SHISA9: variants seen among roughly 807,000 people sequenced by gnomAD.
SHISA9 encodes protein shisa-9.
In SHISA9, 13 loss-of-function variants were observed where a neutral mutation model predicts 38.0. The observed-to-expected ratio is 0.34, with a 90% CI of 0.22 to 0.54. SHISA9 has a LOEUF of 0.54. Among genes scored for constraint, SHISA9 ranks in the 20% least tolerant of loss-of-function variants. SHISA9 has a pLI of 0.91. For synonymous variants in SHISA9, 275 were observed against 242.0 expected (o/e 1.14, Z -1.27); for missense variants, 538 against 575.8 (o/e 0.93, Z 0.67).
At position 13,019,884 on chromosome 16, in the gene SHISA9, CTTCTTTCTTTCTTTCTTTCTTTCT is replaced by C. The variant is rs1166778591; in HGVS notation, c.691+103121_691+103144del. ...CCTCCCTCCCTCCCTCCCTCCCTCC[CTTCTTTCTTTCTTTCTTTCTTTCT>C]TTCTTTCTTTCTTTCTTTCTTTCTT... On this transcript the variant is annotated intron_variant, in intron 2 of 4. Coordinates refer to ENST00000558583, the MANE Select transcript of SHISA9 (RefSeq NM_001145204.3). Among the ~76,000 whole-genome samples, 56 of 20,870 alleles carry C rather than the reference CTTCTTTCTTTCTTTCTTTCTTTCT, an allele frequency of 2.7e-3. 1 individual carries two copies. Among genetic ancestry groups the C allele is most frequent in the Non-Finnish European group, 4.1e-3 (44 of 10,630 alleles). The allele number at this position is 20,870 out of a possible 152,430, so 13.7% of individuals were successfully genotyped here.
the SHISA9 span, among the ~76,000 whole-genome samples, chr16:13,468,418 A>AT: frequency 6.6e-6 from 1 of 152,306 alleles, no homozygotes; most frequent in South Asian, 2.1e-4. Context: ...ATATGTTTAT[A>AT]TCCAATAACC....
chr16:13,220,604 G>C (rs1353095446), intron 4 of SHISA9, among the ~76,000 whole-genome samples: 1 of 152,146 alleles, frequency 6.6e-6, no homozygotes, highest in African/African-American at 2.4e-5. Flanking sequence ...AAAACCACCA[G>C]TTGTATGAAA....
the SHISA9 span, among the ~76,000 whole-genome samples, chr16:13,362,662 C>T: frequency 2.6e-5 from 4 of 152,142 alleles, no homozygotes; most frequent in African/African-American, 9.7e-5. Flanking sequence ...AGCACTTCAT[C>T]CCATCTTGTC....
chr16:13,291,313 A>G, the SHISA9 span, among the ~76,000 whole-genome samples: 1 of 152,296 alleles, frequency 6.6e-6, no homozygotes, highest in East Asian at 1.9e-4. Flanking sequence ...AGGTGAAGGG[A>G]AACAAACCCA....
chr16:12,909,364 GCTT>G (rs974121785), intron 1 of SHISA9: 2 of 985,304 alleles, frequency 2.0e-6, no homozygotes, highest in African/African-American at 3.5e-5. Flanking sequence ...AATAATTGAT[GCTT>G]CTTGTGCAAG....
At chr16:13,234,968 C>G in intron 4 of SHISA9, 62 bp from the exon 5 acceptor site, 1 of 1,473,962 alleles carries the variant, frequency 6.8e-7, no homozygotes, top group African/African-American at 1.4e-5. Flanking sequence ...CTCTCTCTCT[C>G]TCTCTCTCTC....
At chr16:13,413,434 G>A in the SHISA9 span, among the ~76,000 whole-genome samples, 1 of 152,254 alleles carries the variant, frequency 6.6e-6, no homozygotes, top group South Asian at 2.1e-4. Context: ...GTGAATGGAA[G>A]GGTCTTTGAT....
At chr16:13,068,336 A>C (rs1198220338) in intron 2 of SHISA9, among the ~76,000 whole-genome samples, 1 of 152,186 alleles carries the variant, frequency 6.6e-6, no homozygotes, top group East Asian at 1.9e-4. Flanking sequence ...GGCAATGCAA[A>C]TAGTTGTTTT....
chr16:13,060,696 T>C lies in SHISA9; in HGVS notation c.692-142698T>C, dbSNP rs193261508. Among the ~76,000 whole-genome samples, 1,072 of 134,064 alleles carry C rather than the reference T, an allele frequency of 8.0e-3. 7 individuals carry two copies. Among genetic ancestry groups the C allele is most frequent in the Non-Finnish European group, 9.2e-3 (583 of 63,066 alleles). 88.0% of individuals were successfully genotyped at this position (134,064 alleles called of 152,430 possible). ...TACAGGAAATTAAAGGTGGAAGCAA[T>C]GATGTGGGTTCAAACACAGAGAGAC... On this transcript the variant is annotated intron_variant, in intron 2 of 4. Coordinates refer to ENST00000558583, the MANE Select transcript of SHISA9 (RefSeq NM_001145204.3).
the SHISA9 span, among the ~76,000 whole-genome samples, chr16:13,352,462 G>C: frequency 1.9e-3 from 295 of 152,238 alleles, 1 homozygote; most frequent in African/African-American, 5.6e-3. Flanking sequence ...AGTGGTTGCC[G>C]TAGGGAGATG....
intron 2 of SHISA9, among the ~76,000 whole-genome samples, chr16:13,184,192 C>T (rs567059665): frequency 8.5e-5 from 13 of 152,140 alleles, no homozygotes; most frequent in Non-Finnish European, 1.8e-4. Context: ...TTTCAATCTA[C>T]TTACCCACCT....
At chr16:13,064,676 C>T (rs1185371328) in intron 2 of SHISA9, among the ~76,000 whole-genome samples, 3 of 150,708 alleles carry the variant, frequency 2.0e-5, no homozygotes. Context: ...AGAGACTCTC[C>T]TAAAAATATT....
At chr16:13,215,745 C>A (rs1006619107) in intron 4 of SHISA9, among the ~76,000 whole-genome samples, 1 of 152,142 alleles carries the variant, frequency 6.6e-6, no homozygotes, top group African/African-American at 2.4e-5. Context: ...GAAAAGTGGT[C>A]CCAGTGAGAA....
chr16:12,981,520 A>G (rs1227850102), intron 2 of SHISA9, among the ~76,000 whole-genome samples: 1 of 152,156 alleles, frequency 6.6e-6, no homozygotes, highest in Non-Finnish European at 1.5e-5. Flanking sequence ...GTAGTTTACC[A>G]CAGGTCCTCT....
the SHISA9 span, among the ~76,000 whole-genome samples, chr16:13,358,456 T>C: frequency 6.6e-6 from 1 of 152,144 alleles, no homozygotes; most frequent in Non-Finnish European, 1.5e-5. Context: ...CTCATTTTCT[T>C]AGATCAGCTA....
the SHISA9 span, among the ~76,000 whole-genome samples, chr16:13,538,731 A>G: frequency 1.1e-4 from 16 of 152,202 alleles, no homozygotes; most frequent in Admixed American, 6.5e-5. Flanking sequence ...ACAGAAACAC[A>G]TAGTTTACAC....
the SHISA9 span, among the ~76,000 whole-genome samples, chr16:13,300,283 G>A: frequency 1.5e-4 from 23 of 152,092 alleles, no homozygotes; most frequent in Non-Finnish European, 1.5e-5. Context: ...ATACTATGAT[G>A]TAACAAGCTG....
chr16:13,146,840 C>T (rs990240821), intron 2 of SHISA9, among the ~76,000 whole-genome samples: 2 of 152,192 alleles, frequency 1.3e-5, no homozygotes, highest in African/African-American at 2.4e-5. Context: ...TTCTTCTTCC[C>T]TCCAGTTTCA....
At chr16:13,280,431 A>G in the SHISA9 span, among the ~76,000 whole-genome samples, 1 of 151,644 alleles carries the variant, frequency 6.6e-6, no homozygotes, top group East Asian at 1.9e-4. Flanking sequence ...TGTTCATCGA[A>G]TATTATGGAT....
Sources: gnomAD v4.1 joint callset for allele counts (sites outside exome capture counted in the v4.1 genomes callset) on GRCh38, gnomAD v4.1.1 for gene constraint, MANE v1.5 for transcripts, NCBI Gene and HGNC (gene_info 2026-07-23, HGNC 2026-07-21) for gene names.